Variants in HNRNPR observed in about 807,000 individuals in gnomAD.
HNRNPR encodes the protein heterogeneous nuclear ribonucleoprotein R.
HNRNPR carries 4 observed loss-of-function variants against 70.3 expected under a neutral mutation model. The observed-to-expected ratio is 0.06, with a 90% CI of 0.03 to 0.13. HNRNPR has a LOEUF of 0.13. Ranked by LOEUF, HNRNPR falls within the 10% of genes least tolerant of loss-of-function variation. The probability of loss-of-function intolerance (pLI) is 1.00; values close to 1 mark genes in which losing one functional copy is unlikely to be tolerated. For synonymous variants in HNRNPR, 241 were observed against 267.6 expected, an observed-to-expected ratio of 0.90 and a Z score of 0.97; for missense variants, 423 against 788.5, an observed-to-expected ratio of 0.54 and a Z score of 5.55.
At chr1:23,335,974 G>A (rs867379004) in intron 4 of HNRNPR, among the ~76,000 whole-genome samples, 94 of 149,582 alleles carry the variant, frequency 6.3e-4, no homozygotes, top group Admixed American at 2.1e-3. Flanking sequence ...AAAATTAGCC[G>A]GGCGTAGTGG....
At chr1:23,333,684 G>T in intron 4 of HNRNPR, 53 bp from the exon 5 acceptor site, 2 of 1,002,998 alleles carry the variant, frequency 2.0e-6, no homozygotes, top group Non-Finnish European at 3.2e-6. Context: ...TCACACACAA[G>T]CATCAGTGTA....
chr1:23,310,608 G>C lies in HNRNPR; in HGVS notation c.1748C>G (p.Ser583Cys), dbSNP rs1645292605. ...TTGGTTGTTGGTCTGACGACGCTTG[G>C]AATCAGGCTGGTTGTACCCATCTGC... The part of the protein sequence containing the change: ...RKADGYNQPD[S>C]KRRQTNNQQN... The change falls in exon 11 of 11, where the codon TCC becomes TGC. Residue 583 changes from serine to cysteine, a missense_variant. Transcript: ENST00000302271. The surrounding 1 kb of genome is among the most constrained non-coding windows in gnomAD (Gnocchi z 6.0). The C allele has an allele frequency of 1.2e-6, 2 of 1,614,056 alleles. No homozygotes were observed. Among genetic ancestry groups the C allele is most frequent in the African/African-American group, 1.3e-5 (1 of 74,918 alleles).
chr1:23,336,954 G>A (rs1646518303), intron 4 of HNRNPR, among the ~76,000 whole-genome samples: 1 of 151,932 alleles, frequency 6.6e-6, no homozygotes, highest in African/African-American at 2.4e-5. Flanking sequence ...CTACATTCCA[G>A]GCATTATTCT....
intron 9 of HNRNPR, among the ~76,000 whole-genome samples, chr1:23,312,870 C>G (rs909223868): frequency 6.6e-6 from 1 of 151,954 alleles, no homozygotes; most frequent in African/African-American, 2.4e-5. Flanking sequence ...CCCACCCCCC[C>G]AAGGAAGGAG....
intron 5 of HNRNPR, among the ~76,000 whole-genome samples, chr1:23,329,413 CTG>C (rs757494220): frequency 2.6e-5 from 4 of 152,172 alleles, no homozygotes; most frequent in Non-Finnish European, 5.9e-5. Flanking sequence ...TTTTTAGTCT[CTG>C]AGTCATTCTG....
chr1:23,333,834 T>TA (rs1336175209), intron 4 of HNRNPR, among the ~76,000 whole-genome samples: 2 of 152,152 alleles, frequency 1.3e-5, no homozygotes, highest in African/African-American at 4.8e-5. Context: ...TCTCTATCCT[T>TA]AAAAAAATTA....
Position 23,333,553 on chromosome 1 carries a change from C to T in HNRNPR, c.463G>A (p.Val155Met), listed in dbSNP as rs771396168. ...ATTCCAGGTTGCACGCCAGAGTACA[C>T]ACTGTCTGGTGGAGGACCACCATAC... ...RKYGGPPPDS[V>M]YSGVQPGIGT... is the part of the protein sequence containing the mutation. Residue 155 changes from valine (V) to methionine (M), a missense_variant, in exon 5 of 11, where the codon GTG becomes ATG. By Grantham distance (21) the Val-to-Met change is conservative. This residue lies in a region of HNRNPR where 118 missense variants were observed against 239.3 expected (regional missense o/e 0.49). Transcript: ENST00000302271. 6.2e-7 allele frequency: 1 copy of T among 1,613,312 alleles called. No homozygotes were observed. The highest frequency in any genetic ancestry group is 8.5e-7 in the Non-Finnish European group (1 of 1,179,212).
chr1:23,339,723 A>G (rs961826354), intron 2 of HNRNPR, among the ~76,000 whole-genome samples: 1 of 152,224 alleles, frequency 6.6e-6, no homozygotes, highest in African/African-American at 2.4e-5. Flanking sequence ...GCTCGAAATG[A>G]GCATGTGTAA....
chr1:23,317,005 T>A (rs1006878461), intron 8 of HNRNPR, among the ~76,000 whole-genome samples: 1 of 152,138 alleles, frequency 6.6e-6, no homozygotes, highest in East Asian at 1.9e-4. Context: ...CCAAACTACT[T>A]AGAACGAGGG....
intron 6 of HNRNPR, 111 bp downstream of exon 6, chr1:23,323,445 T>A (rs979911710): frequency 4.8e-6 from 5 of 1,034,966 alleles, no homozygotes; most frequent in Non-Finnish European, 7.1e-6. Flanking sequence ...TATAAAAACA[T>A]TCCAAGCAAC....
intron 7 of HNRNPR, among the ~76,000 whole-genome samples, chr1:23,319,604 C>T (rs1194996078): frequency 6.6e-6 from 1 of 152,178 alleles, no homozygotes; most frequent in East Asian, 1.9e-4. Context: ...AAGCCCCTAT[C>T]CACAGAGCGC....
chr1:23,315,288 AAAAAAAAAAAAAAAAAAC>A (rs1306859006), intron 8 of HNRNPR, among the ~76,000 whole-genome samples: 3 of 149,866 alleles, frequency 2.0e-5, no homozygotes, highest in African/African-American at 7.4e-5. Flanking sequence ...TCAAAAAAAA[AAAAAAAAAAAAAAAAAAC>A]AAAAACCCAA....
intron 7 of HNRNPR, among the ~76,000 whole-genome samples, chr1:23,319,752 C>CT (rs1645685245): frequency 6.6e-6 from 1 of 152,186 alleles, no homozygotes; most frequent in Non-Finnish European, 1.5e-5. Context: ...TTTCATACAA[C>CT]TCTACTCCTA....
rs779943276 is a variant in HNRNPR, at chr1:23,323,711, T to G, written c.520A>C (p.Arg174=). The change falls in exon 6 of 11, where the codon AGG becomes CGG. Residue 174 remains arginine (R), a synonymous_variant. Transcript: ENST00000302271. ...GTEVFVGKIP[R]DLYEDELVPL... ...ACCAACTCATCCTCATATAAATCCC[T>G]TGGTATTTTGCCTACAAATACCTGA... The G allele has an allele frequency of 6.2e-7, 1 of 1,614,072 alleles. No homozygotes were observed. Among genetic ancestry groups the G allele is most frequent in the Non-Finnish European group, 8.5e-7 (1 of 1,179,942 alleles).
At chr1:23,313,095 A>G (rs1645398151) in intron 9 of HNRNPR, among the ~76,000 whole-genome samples, 1 of 152,210 alleles carries the variant, frequency 6.6e-6, no homozygotes, top group Non-Finnish European at 1.5e-5. Flanking sequence ...TTTTAACTCT[A>G]AAATGATTAA....
At chr1:23,338,635 G>T (rs779016562) in intron 2 of HNRNPR, 27 bp from the exon 3 acceptor site, 3 of 1,170,482 alleles carry the variant, frequency 2.6e-6, no homozygotes, top group South Asian at 2.7e-5. Flanking sequence ...AAGGGGTAAC[G>T]TTATTGCAAC....
intron 9 of HNRNPR, 63 bp downstream of exon 9, chr1:23,313,490 T>C (rs1645415270): frequency 1.3e-5 from 14 of 1,073,148 alleles, no homozygotes; most frequent in Non-Finnish European, 1.9e-5. Context: ...AAAGTTACTT[T>C]GTGTTTGGCA....
intron 4 of HNRNPR, among the ~76,000 whole-genome samples, 183 bp downstream of exon 4, chr1:23,337,571 G>A (rs1415909700): frequency 2.0e-5 from 3 of 151,874 alleles, no homozygotes; most frequent in African/African-American, 7.3e-5. Flanking sequence ...GCAGGAGAAT[G>A]GCATGAACTT....
rs539401253 is a variant in HNRNPR, at chr1:23,332,522, G to A, written c.498+996C>T. ...GTTCAAGACCAGCCTGACCAACATGGTGAAATCCTCTTTAGTAAATACAAA... is the reference window on the plus strand; with the variant it reads ...GTTCAAGACCAGCCTGACCAACATGATGAAATCCTCTTTAGTAAATACAAA... On this transcript the variant is annotated intron_variant, in intron 5 of 10. Coordinates refer to ENST00000302271, the MANE Select transcript of HNRNPR (RefSeq NM_005826.5). Among the ~76,000 whole-genome samples, 3 of 151,172 alleles carry A rather than the reference G, an allele frequency of 2.0e-5. No individual in the cohort carries two copies. In the South Asian group the frequency reaches 6.3e-4, roughly 32 times the overall value.
Sources: allele counts gnomAD v4.1 joint callset (sites outside exome capture counted in the v4.1 genomes callset), GRCh38; gene constraint gnomAD v4.1.1; regional missense constraint gnomAD v4.1.1; non-coding constraint Gnocchi (gnomAD v3.1); transcripts MANE v1.5; gene names NCBI Gene and HGNC (gene_info 2026-07-23, HGNC 2026-07-21).